SMIM1: variants seen among roughly 807,000 people sequenced by gnomAD.
The protein encoded by SMIM1 is small integral membrane protein 1 (Vel blood group).
In SMIM1, 7 loss-of-function variants were observed where a neutral mutation model predicts 7.7. That is an observed-to-expected ratio of 0.91 (90% CI 0.52 to 1.71). SMIM1 has a LOEUF of 1.71. Ranked by LOEUF, SMIM1 falls within the 40% of genes most tolerant of loss-of-function variation. The pLI, the probability that SMIM1 is intolerant of heterozygous loss-of-function variation, is 0.00. For missense variants in SMIM1, 95 were observed against 102.8 expected (o/e 0.92, Z 0.33); for synonymous variants, 41 against 42.7 (o/e 0.96, Z 0.16).
Position 3,775,721 on chromosome 1 carries a change from C to G in SMIM1, c.111-74C>G. On this transcript the variant is annotated intron_variant, in intron 3 of 3. Transcript: ENST00000642557. This position sits in a 1 kb window ranked among gnomAD's most constrained non-coding sequence, Gnocchi z 5.3. ...GGCCCCTCCCCCTGACCCAGACCAA[C>G]GGCCACAGTCCACTTAGGGGGCCCC... The G allele has an allele frequency of 1.3e-6, 2 of 1,498,658 alleles. No individual in the cohort carries two copies. Among genetic ancestry groups the G allele is most frequent in the East Asian group, 2.5e-5 (1 of 40,586 alleles). The allele number at this position is 1,498,658 out of a possible 1,614,324, so 92.8% of individuals were successfully genotyped here. A position where few individuals can be genotyped will look rare whatever the true frequency, so the allele number is the denominator to read the frequency against.
At position 3,775,116 on chromosome 1, in the gene SMIM1, C is replaced by T. The variant is rs1643437960; in HGVS notation, c.-75-183C>T. ...AGGGCTTGGCCTGAGATGGAATTCT[C>T]GCTTGGTCCCATCCTCCCGGCCTGA... On this transcript the variant is annotated intron_variant, in intron 2 of 3. Transcript: ENST00000642557. This position sits in a 1 kb window ranked among gnomAD's most constrained non-coding sequence, Gnocchi z 5.3. 6.6e-6 allele frequency among the ~76,000 whole-genome samples: 1 copy of T among 152,146 alleles called. No individual in the cohort carries two copies. The highest frequency in any genetic ancestry group is 1.5e-5 in the Non-Finnish European group (1 of 68,020).
chr1:3,775,236 C>T lies in SMIM1; in HGVS notation c.-75-63C>T. Reference sequence around the variant, plus strand: ...GAGTCAGCCCCCGACCCTTAGTGCCCCTCTCCTAACAGCAGCCTCAGAGGG... The same window carrying T: ...GAGTCAGCCCCCGACCCTTAGTGCCTCTCTCCTAACAGCAGCCTCAGAGGG... On this transcript the variant is annotated intron_variant, in intron 2 of 3. Transcript: ENST00000642557. The surrounding 1 kb of genome is among the most constrained non-coding windows in gnomAD (Gnocchi z 5.3). 4.9e-6 allele frequency: 3 copies of T among 609,166 alleles called. No homozygotes were observed. The highest frequency in any genetic ancestry group is 8.6e-6 in the Non-Finnish European group (3 of 349,834). The allele number at this position is 609,166 out of a possible 1,614,324, so 37.7% of individuals were successfully genotyped here.
rs999811629 is a variant in SMIM1, at chr1:3,775,919, T to G, written c.235T>G (p.Ter79GluextTer?). 2 of 1,549,098 alleles carry G rather than the reference T, an allele frequency of 1.3e-6. No homozygotes were observed. Among genetic ancestry groups the G allele is most frequent in the African/African-American group, 2.7e-5 (2 of 73,022 alleles). Residue 79 changes from the stop codon to glutamate, a stop_lost, in exon 4 of 4, where the codon TAA becomes GAA. Coordinates refer to ENST00000642557, the MANE Select transcript of SMIM1 (RefSeq NM_001288583.2). This position sits in a 1 kb window ranked among gnomAD's most constrained non-coding sequence, Gnocchi z 5.3. ...LTGYYVHKCK[*>E] Reference sequence around the variant, plus strand: ...AGGCTACTATGTGCACAAGTGCAAATAAATGCTGCCCCGCATGCACGCGGG... The same window carrying G: ...AGGCTACTATGTGCACAAGTGCAAAGAAATGCTGCCCCGCATGCACGCGGG...
chr1:3,773,918 G>T (rs1168576742), intron 2 of SMIM1, among the ~76,000 whole-genome samples: 1 of 152,216 alleles, frequency 6.6e-6, no homozygotes, highest in African/African-American at 2.4e-5. Flanking sequence ...TCCAGTAGAG[G>T]CTGGGCCTCT....
At position 3,775,868 on chromosome 1, in the gene SMIM1, A is replaced by G; in HGVS notation, c.184A>G (p.Ile62Val). 1 of 1,550,888 alleles carries G rather than the reference A, an allele frequency of 6.4e-7. No individual in the cohort carries two copies. The highest frequency in any genetic ancestry group is 8.7e-7 in the Non-Finnish European group (1 of 1,146,914). Reference protein sequence around the residue: ...KVLGGVALFWIIFILGYLTGY... With the variant: ...KVLGGVALFWVIFILGYLTGY... ...GCTGGGCGGCGTGGCCCTCTTCTGG[A>G]TCATCTTCATCCTGGGCTACCTCAC... The change falls in exon 4 of 4, where the codon ATC (isoleucine) becomes GTC (valine). Residue 62 changes from isoleucine (I) to valine (V), a missense_variant. Transcript: ENST00000642557. This position sits in a 1 kb window ranked among gnomAD's most constrained non-coding sequence, Gnocchi z 5.3.
Position 3,775,750 on chromosome 1 carries a change from T to C in SMIM1, c.111-45T>C, listed in dbSNP as rs969490501. Reference sequence around the variant, plus strand: ...CACAGTCCACTTAGGGGGCCCCTCATGCGGCCCTGGCCTGGGGCTCACCTC... The same window carrying C: ...CACAGTCCACTTAGGGGGCCCCTCACGCGGCCCTGGCCTGGGGCTCACCTC... On this transcript the variant is annotated intron_variant, in intron 3 of 3. Coordinates refer to ENST00000642557, the MANE Select transcript of SMIM1 (RefSeq NM_001288583.2). The surrounding 1 kb of genome is among the most constrained non-coding windows in gnomAD (Gnocchi z 5.3). 9.8e-6 allele frequency: 15 copies of C among 1,534,150 alleles called. No individual in the cohort carries two copies. In the African/African-American group the frequency reaches 1.5e-4, roughly 15 times the overall value.
rs968680928 is a variant in SMIM1, at chr1:3,775,516, G to A, written c.110+33G>A. On this transcript the variant is annotated intron_variant, in intron 3 of 3. Coordinates refer to ENST00000642557, the MANE Select transcript of SMIM1 (RefSeq NM_001288583.2). The surrounding 1 kb of genome is among the most constrained non-coding windows in gnomAD (Gnocchi z 5.3). ...GCCTGAGGGCAGCCTGCCAGCCATA[G>A]CAGGCTGGTGTCTCCCTCCAGAGAC... is the stretch of plus-strand genomic sequence containing the variant. 1.5e-5 allele frequency: 23 copies of A among 1,522,144 alleles called. No homozygotes were observed. Among genetic ancestry groups the A allele is most frequent in the Non-Finnish European group, 2.0e-5 (22 of 1,124,774 alleles). 94.3% of individuals were successfully genotyped at this position (1,522,144 alleles called of 1,614,324 possible). A position where few individuals can be genotyped will look rare whatever the true frequency, so the allele number is the denominator to read the frequency against.
chr1:3,772,951 C>CGCCCGGCTCCTT (rs933871526), intron 1 of SMIM1, 112 bp from the exon 2 acceptor site: 1 of 152,342 alleles, frequency 6.6e-6, no homozygotes, highest in African/African-American at 2.4e-5. Flanking sequence ...CGGAACTGCC[C>CGCCCGGCTCCTT]GCCCGGCTCC....
At position 3,775,285 on chromosome 1, in the gene SMIM1, C is replaced by A; in HGVS notation, c.-75-14C>A. 1 of 986,530 alleles carries A rather than the reference C, an allele frequency of 1.0e-6. No individual in the cohort carries two copies. Among genetic ancestry groups the A allele is most frequent in the Non-Finnish European group, 1.5e-6 (1 of 679,236 alleles). 61.1% of individuals were successfully genotyped at this position (986,530 alleles called of 1,614,324 possible). A position where few individuals can be genotyped will look rare whatever the true frequency, so the allele number is the denominator to read the frequency against. On this transcript the variant is annotated splice_polypyrimidine_tract_variant and intron_variant, in intron 2 of 3. Coordinates refer to ENST00000642557, the MANE Select transcript of SMIM1 (RefSeq NM_001288583.2). This position sits in a 1 kb window ranked among gnomAD's most constrained non-coding sequence, Gnocchi z 5.3. ...GGGGTCTTGACTGCCGCCCTCCATC[C>A]GCTTGTTTTACAGTGAAGCCACAGC...
intron 1 of SMIM1, 105 bp from the exon 2 acceptor site, chr1:3,772,958 C>T (rs930127679): frequency 9.8e-5 from 15 of 152,326 alleles, no homozygotes; most frequent in Admixed American, 9.8e-4. Context: ...GCCCGCCCGG[C>T]TCCTTGCCCG....
chr1:3,775,532 C>G lies in SMIM1; in HGVS notation c.110+49C>G. On this transcript the variant is annotated intron_variant, in intron 3 of 3. Transcript: ENST00000642557. This position sits in a 1 kb window ranked among gnomAD's most constrained non-coding sequence, Gnocchi z 5.3. ...CCAGCCATAGCAGGCTGGTGTCTCC[C>G]TCCAGAGACGCCTGCCCTAACCCCT... is the stretch of plus-strand genomic sequence containing the variant. The G allele has an allele frequency of 4.1e-6, 6 of 1,478,118 alleles. No individual in the cohort carries two copies. Among genetic ancestry groups the G allele is most frequent in the Non-Finnish European group, 5.5e-6 (6 of 1,088,140 alleles). The allele number at this position is 1,478,118 out of a possible 1,614,324, so 91.6% of individuals were successfully genotyped here. A position where few individuals can be genotyped will look rare whatever the true frequency, so the allele number is the denominator to read the frequency against.
chr1:3,775,390 G>A lies in SMIM1; in HGVS notation c.17G>A (p.Ser6Asn). 6.5e-7 allele frequency: 1 copy of A among 1,550,316 alleles called. No individual in the cohort carries two copies. The change falls in exon 3 of 4, where the codon AGC becomes AAC. Residue 6 changes from serine to asparagine, a missense_variant. Ser to Asn is a conservative substitution (Grantham distance 46). Transcript: ENST00000642557. This position sits in a 1 kb window ranked among gnomAD's most constrained non-coding sequence, Gnocchi z 5.3. ...CCCCACAGCATGCAGCCCCAGGAGA[G>A]CCACGTCCACTATAGTAGGTGGGAG... is the stretch of plus-strand genomic sequence containing the variant. MQPQE[S>N]HVHYSRWEDG...
chr1:3,773,889 G>A (rs964264278), intron 2 of SMIM1, among the ~76,000 whole-genome samples: 8 of 152,244 alleles, frequency 5.3e-5, no homozygotes, highest in African/African-American at 9.6e-5. Flanking sequence ...CACATGCTCC[G>A]GGAAAACAGC....
chr1:3,775,470 T>G lies in SMIM1; in HGVS notation c.97T>G (p.Ser33Ala). 2 of 1,549,810 alleles carry G rather than the reference T, an allele frequency of 1.3e-6. No homozygotes were observed. The highest frequency in any genetic ancestry group is 4.9e-5 in the East Asian group (2 of 40,906). Residue 33 changes from serine (S) to alanine (A), a missense_variant, in exon 3 of 4, where the codon TCA becomes GCA. By Grantham distance (99) the Ser-to-Ala change is moderately conservative. Transcript: ENST00000642557. The surrounding 1 kb of genome is among the most constrained non-coding windows in gnomAD (Gnocchi z 5.3). ...LGAVSSTEEA[S>A]RCRRISQRLC... ...GGCTGTGTCCAGCACAGAAGAGGCC[T>G]CACGCTGCCGCAGGTGAGGGGCCTG...
At position 3,773,104 on chromosome 1, in the gene SMIM1, C is replaced by G. The variant is rs1351730662; in HGVS notation, c.-153C>G. On this transcript the variant is annotated 5_prime_UTR_variant, in exon 2 of 4. Coordinates refer to ENST00000642557, the MANE Select transcript of SMIM1 (RefSeq NM_001288583.2). Reference sequence around the variant, plus strand: ...GCACCTCAGCCCACGACCTGCCCCGCTGGGAGGTGCGGGCCGCTGGCCAGG... The same window carrying G: ...GCACCTCAGCCCACGACCTGCCCCGGTGGGAGGTGCGGGCCGCTGGCCAGG... The G allele has an allele frequency of 6.6e-6, 1 of 152,280 alleles. No individual in the cohort carries two copies. Among genetic ancestry groups the G allele is most frequent in the African/African-American group, 2.4e-5 (1 of 41,470 alleles). 9.4% of individuals were successfully genotyped at this position (152,280 alleles called of 1,614,324 possible). A position where few individuals can be genotyped will look rare whatever the true frequency, so the allele number is the denominator to read the frequency against.
At position 3,775,396 on chromosome 1, in the gene SMIM1, T is replaced by C. The variant is rs1044584166; in HGVS notation, c.23T>C (p.Val8Ala). 1 of 1,549,426 alleles carries C rather than the reference T, an allele frequency of 6.5e-7. No homozygotes were observed. Among genetic ancestry groups the C allele is most frequent in the Admixed American group, 2.0e-5 (1 of 50,852 alleles). Residue 8 changes from valine to alanine, a missense_variant, in exon 3 of 4, where the codon GTC (valine) becomes GCC (alanine). Physicochemically the swap from Val to Ala is moderately conservative, Grantham distance 64. Transcript: ENST00000642557. The surrounding 1 kb of genome is among the most constrained non-coding windows in gnomAD (Gnocchi z 5.3). MQPQESH[V>A]HYSRWEDGSR... ...AGCATGCAGCCCCAGGAGAGCCACGTCCACTATAGTAGGTGGGAGGACGGC... is the reference window on the plus strand; with the variant it reads ...AGCATGCAGCCCCAGGAGAGCCACGCCCACTATAGTAGGTGGGAGGACGGC...
chr1:3,775,187 A>G lies in SMIM1; in HGVS notation c.-75-112A>G. The G allele has an allele frequency of 5.7e-6, 3 of 527,358 alleles. No individual in the cohort carries two copies. In the South Asian group the frequency reaches 6.9e-5, roughly 12 times the overall value. 32.7% of individuals were successfully genotyped at this position (527,358 alleles called of 1,614,324 possible). ...CACTTTGTGTCTAGGTCACCTGTTAAGTCAGGCGACAGACCCGGTGAGGGA... is the reference window on the plus strand; with the variant it reads ...CACTTTGTGTCTAGGTCACCTGTTAGGTCAGGCGACAGACCCGGTGAGGGA... On this transcript the variant is annotated intron_variant, in intron 2 of 3. Transcript: ENST00000642557. The surrounding 1 kb of genome is among the most constrained non-coding windows in gnomAD (Gnocchi z 5.3).
rs1035190686 is a variant in SMIM1 at position 3,775,453 on chromosome 1, C to G, written c.80C>G (p.Ser27Cys). 6.5e-7 allele frequency: 1 copy of G among 1,549,894 alleles called. No homozygotes were observed. Among genetic ancestry groups the G allele is most frequent in the East Asian group, 2.4e-5 (1 of 40,910 alleles). Residue 27 changes from serine to cysteine, a missense_variant, in exon 3 of 4, where the codon TCC becomes TGC. Ser to Cys is a moderately radical substitution (Grantham distance 112). Transcript: ENST00000642557. This position sits in a 1 kb window ranked among gnomAD's most constrained non-coding sequence, Gnocchi z 5.3. Reference protein sequence around the residue: ...SRDGVSLGAVSSTEEASRCRR... With the variant: ...SRDGVSLGAVCSTEEASRCRR... ...GACGGAGTCAGCCTAGGGGCTGTGT[C>G]CAGCACAGAAGAGGCCTCACGCTGC...
intron 2 of SMIM1, among the ~76,000 whole-genome samples, chr1:3,774,568 G>A (rs1182417356): frequency 1.3e-5 from 2 of 152,188 alleles, no homozygotes; most frequent in Non-Finnish European, 2.9e-5. Flanking sequence ...GCAGGAGTTG[G>A]AGCCCAGCAG....
Sources: allele counts gnomAD v4.1 joint callset (sites outside exome capture counted in the v4.1 genomes callset), GRCh38; gene constraint gnomAD v4.1.1; non-coding constraint Gnocchi (gnomAD v3.1); transcripts MANE v1.5; gene names NCBI Gene and HGNC (gene_info 2026-07-23, HGNC 2026-07-21).